Variants in THAP4 observed in about 807,000 individuals in gnomAD.
THAP4 encodes the protein peroxynitrite isomerase THAP4.
Under a neutral mutation model 48.1 loss-of-function variants are expected in THAP4, and 18 were observed. The observed-to-expected ratio is 0.37, with a 90% CI of 0.26 to 0.56. The LOEUF is 0.56. Among genes scored for constraint, THAP4 ranks in the 20% least tolerant of loss-of-function variants. The pLI, the probability that THAP4 is intolerant of heterozygous loss-of-function variation, is 0.78. For missense variants in THAP4, 656 were observed against 774.9 expected, an observed-to-expected ratio of 0.85 and a Z score of 1.82; for synonymous variants, 345 against 324.9, an observed-to-expected ratio of 1.06 and a Z score of -0.66.
At chr2:241,599,751 T>C (rs1437951151) in intron 5 of THAP4, among the ~76,000 whole-genome samples, 1 of 152,160 alleles carries the variant, frequency 6.6e-6, no homozygotes, top group African/African-American at 2.4e-5. Flanking sequence ...TTATAAGCCT[T>C]GAGATGTTTA....
chr2:241,601,750 G>C lies in THAP4; in HGVS notation c.1614+146C>G. ...AGGGAACATCCACCCTGGATGGTCC[G>C]AGAAGGGAAAAGAAGGAGACAGTGA... is the stretch of plus-strand genomic sequence containing the variant. On this transcript the variant is annotated intron_variant, in intron 5 of 5. Coordinates refer to ENST00000407315, the MANE Select transcript of THAP4 (RefSeq NM_015963.6). This position sits in a 1 kb window ranked among gnomAD's most constrained non-coding sequence, Gnocchi z 4.0. The C allele has an allele frequency of 6.8e-7, 1 of 1,480,876 alleles. No homozygotes were observed. Among genetic ancestry groups the C allele is most frequent in the Non-Finnish European group, 9.1e-7 (1 of 1,094,412 alleles). The allele number at this position is 1,480,876 out of a possible 1,614,324, so 91.7% of individuals were successfully genotyped here.
At chr2:241,636,308 C>T (rs2067653189) in intron 1 of THAP4, among the ~76,000 whole-genome samples, 1 of 152,248 alleles carries the variant, frequency 6.6e-6, no homozygotes, top group Non-Finnish European at 1.5e-5. Context: ...TCTGGTGCCT[C>T]CCGCGTGTAA....
At chr2:241,618,251 G>A (rs2067371927) in intron 2 of THAP4, among the ~76,000 whole-genome samples, 1 of 152,098 alleles carries the variant, frequency 6.6e-6, no homozygotes. Flanking sequence ...TGCATGCCCA[G>A]GGGAAAAACA....
chr2:241,629,002 A>C (rs898322013), intron 2 of THAP4, among the ~76,000 whole-genome samples: 2 of 151,950 alleles, frequency 1.3e-5, no homozygotes, highest in Non-Finnish European at 2.9e-5. Flanking sequence ...AAACAATGGT[A>C]AATAAAGTAA....
At position 241,612,232 on chromosome 2, in the gene THAP4, G is replaced by A. The variant is rs768452446; in HGVS notation, c.1241-5759C>T. On this transcript the variant is annotated intron_variant, in intron 2 of 5. Coordinates refer to ENST00000407315, the MANE Select transcript of THAP4 (RefSeq NM_015963.6). The surrounding 1 kb of genome is among the most constrained non-coding windows in gnomAD (Gnocchi z 4.1). ...AGAAACAAACACCGGGAAACACAGC[G>A]GAACACAGAGGACAGAAATGAGTTA... 2.0e-5 allele frequency among the ~76,000 whole-genome samples: 3 copies of A among 152,024 alleles called. No individual in the cohort carries two copies. Among genetic ancestry groups the A allele is most frequent in the East Asian group, 1.9e-4 (1 of 5,190 alleles).
chr2:241,599,315 T>G (rs2067085623), intron 5 of THAP4, among the ~76,000 whole-genome samples: 1 of 151,602 alleles, frequency 6.6e-6, no homozygotes, highest in South Asian at 2.1e-4. Flanking sequence ...ATCTTACAGG[T>G]GGTGACACAC....
chr2:241,605,096 C>T (rs1040440980), intron 3 of THAP4, among the ~76,000 whole-genome samples: 3 of 152,146 alleles, frequency 2.0e-5, no homozygotes, highest in South Asian at 2.1e-4. Context: ...TTAAAAAAGA[C>T]TGCTTGGGTT....
At chr2:241,621,675 T>C (rs900655456) in intron 2 of THAP4, among the ~76,000 whole-genome samples, 2 of 152,008 alleles carry the variant, frequency 1.3e-5, no homozygotes, top group African/African-American at 4.8e-5. Context: ...ATGAGCATAA[T>C]GGGAATGCCA....
At chr2:241,624,288 C>T (rs936117218) in intron 2 of THAP4, among the ~76,000 whole-genome samples, 3 of 152,104 alleles carry the variant, frequency 2.0e-5, no homozygotes, top group African/African-American at 7.2e-5. Flanking sequence ...GAGATCGAGA[C>T]CATCCTGGCT....
intron 2 of THAP4, among the ~76,000 whole-genome samples, chr2:241,620,978 C>T (rs541130359): frequency 1.3e-5 from 2 of 152,026 alleles, no homozygotes; most frequent in South Asian, 2.1e-4. Context: ...AAAAAAAAAT[C>T]TGAAGAGAGA....
rs767372878 is a variant in THAP4, at chr2:241,601,795, A to G, written c.1614+101T>C. ...CAGTGAAGACAGGCCTGTGAGACAC[A>G]GTGGCAAGACACGCACTACCTCACG... On this transcript the variant is annotated intron_variant, in intron 5 of 5. Coordinates refer to ENST00000407315, the MANE Select transcript of THAP4 (RefSeq NM_015963.6). This position sits in a 1 kb window ranked among gnomAD's most constrained non-coding sequence, Gnocchi z 4.0. 3.2e-6 allele frequency: 5 copies of G among 1,556,372 alleles called. No individual in the cohort carries two copies. In the African/African-American group the frequency reaches 6.8e-5, roughly 21 times the overall value.
At chr2:241,591,572 AC>A (rs1429004439) in intron 5 of THAP4, among the ~76,000 whole-genome samples, 1 of 152,080 alleles carries the variant, frequency 6.6e-6, no homozygotes, top group Non-Finnish European at 1.5e-5. Context: ...TGAGAAGCAG[AC>A]CCCTGATGAA....
intron 2 of THAP4, among the ~76,000 whole-genome samples, chr2:241,611,219 G>A (rs1028623093): frequency 1.6e-4 from 25 of 152,252 alleles, no homozygotes; most frequent in Middle Eastern, 3.4e-3. Context: ...GGCCTGGGGC[G>A]GAGTGGGGAG....
chr2:241,605,764 G>T (rs979105567), intron 3 of THAP4, among the ~76,000 whole-genome samples: 1 of 151,566 alleles, frequency 6.6e-6, no homozygotes, highest in African/African-American at 2.4e-5. Context: ...CACCCAGGCT[G>T]GAGTACAGTG....
intron 2 of THAP4, among the ~76,000 whole-genome samples, chr2:241,626,418 G>C (rs1239692830): frequency 2.0e-5 from 3 of 151,846 alleles, no homozygotes; most frequent in African/African-American, 7.3e-5. Flanking sequence ...TCTAGCCTGG[G>C]CAACAAGAGC....
intron 2 of THAP4, among the ~76,000 whole-genome samples, chr2:241,628,333 A>C (rs2125096730): frequency 7.1e-6 from 1 of 139,862 alleles, no homozygotes; most frequent in South Asian, 2.4e-4. Flanking sequence ...CTCCACCCCC[A>C]CACTCACATG....
chr2:241,630,779 CAAAA>C (rs1171134229), intron 2 of THAP4, among the ~76,000 whole-genome samples: 3 of 61,226 alleles, frequency 4.9e-5, no homozygotes, highest in Non-Finnish European at 7.0e-5. Context: ...AACTCCGTCT[CAAAA>C]AAAAAAAAAA....
At chr2:241,596,681 C>CTGTA (rs1385738357) in intron 5 of THAP4, among the ~76,000 whole-genome samples, 1 of 151,668 alleles carries the variant, frequency 6.6e-6, no homozygotes, top group East Asian at 2.0e-4. Context: ...TGGCGCGCAC[C>CTGTA]TGTAGTCCCA....
At chr2:241,623,592 G>C (rs1356567066) in intron 2 of THAP4, among the ~76,000 whole-genome samples, 1 of 133,388 alleles carries the variant, frequency 7.5e-6, no homozygotes, top group Non-Finnish European at 1.6e-5. Context: ...AAAGAAAAAA[G>C]GAAAAAAAAA....
Sources: allele counts gnomAD v4.1 joint callset (sites outside exome capture counted in the v4.1 genomes callset), GRCh38; gene constraint gnomAD v4.1.1; non-coding constraint Gnocchi (gnomAD v3.1); transcripts MANE v1.5; gene names NCBI Gene and HGNC (gene_info 2026-07-23, HGNC 2026-07-21).